KAZN: variants seen among roughly 807,000 people sequenced by gnomAD.
The protein encoded by KAZN is kazrin, periplakin interacting protein.
In KAZN, 40 loss-of-function variants were observed where a neutral mutation model predicts 87.4. That is an observed-to-expected ratio of 0.46 (90% CI 0.36 to 0.60). KAZN has a LOEUF of 0.60. Ranked by LOEUF, KAZN falls within the 20% of genes least tolerant of loss-of-function variation. The pLI is 0.00. For synonymous variants in KAZN, 466 were observed against 458.3 expected, an observed-to-expected ratio of 1.02 and a Z score of -0.22; for missense variants, 898 against 1,073.9, an observed-to-expected ratio of 0.84 and a Z score of 2.29.
At chr1:14,469,549 T>C (rs1441114148) in intron 2 of KAZN, among the ~76,000 whole-genome samples, 9 of 152,206 alleles carry the variant, frequency 5.9e-5, no homozygotes, top group Non-Finnish European at 1.2e-4. Flanking sequence ...TCAGTGAAGA[T>C]GGCAACAGCA....
intron 1 of KAZN, among the ~76,000 whole-genome samples, chr1:14,106,728 G>A (rs1012959811): frequency 3.9e-5 from 6 of 152,222 alleles, no homozygotes; most frequent in South Asian, 2.1e-4. Context: ...TAGCCCAAAC[G>A]CGTCTCTATT....
chr1:14,063,209 G>T (rs1033629577), intron 1 of KAZN, among the ~76,000 whole-genome samples: 4 of 152,144 alleles, frequency 2.6e-5, no homozygotes, highest in African/African-American at 9.7e-5. Context: ...CATTATTGAT[G>T]CCCTATGGAA....
intron 2 of KAZN, among the ~76,000 whole-genome samples, chr1:14,381,528 A>C (rs988210493): frequency 6.6e-6 from 1 of 152,234 alleles, no homozygotes; most frequent in Non-Finnish European, 1.5e-5. Flanking sequence ...CAACACATGC[A>C]AATCAATTAA....
intron 2 of KAZN, among the ~76,000 whole-genome samples, chr1:14,188,511 A>T (rs1646359319): frequency 6.6e-6 from 1 of 152,082 alleles, no homozygotes; most frequent in African/African-American, 2.4e-5. Flanking sequence ...GGACATAGAG[A>T]CACACACAAA....
At chr1:14,388,122 C>T (rs931214803) in intron 2 of KAZN, among the ~76,000 whole-genome samples, 3 of 152,224 alleles carry the variant, frequency 2.0e-5, no homozygotes, top group Non-Finnish European at 4.4e-5. Context: ...AAAGGGAACT[C>T]CCTGATCCCT....
rs7517282 is a variant in KAZN, at chr1:15,067,290, C to T, written c.1222+1537C>T. 0.025 allele frequency: 24,203 copies of T among 985,372 alleles called. 2,900 individuals carry two copies. The African/African-American group carries it at 0.31, about 13-fold the overall frequency. The allele number at this position is 985,372 out of a possible 1,614,324, so 61.0% of individuals were successfully genotyped here. The stretch of plus-strand genomic sequence containing the variant: ...GAATCTCCCAGGATCCCTTGGACTC[C>T]GTCCCCCAACTTGTCACAGCAGCCT... On this transcript the variant is annotated intron_variant, in intron 8 of 14. Transcript: ENST00000376030.
chr1:14,358,089 A>G (rs1284153460), intron 2 of KAZN, among the ~76,000 whole-genome samples: 1 of 151,978 alleles, frequency 6.6e-6, no homozygotes, highest in Non-Finnish European at 1.5e-5. Context: ...TACTGCCTCA[A>G]TTTCAGTGCT....
At chr1:13,979,930 CAAAAAAAA>C (rs142839854) in intron 1 of KAZN, among the ~76,000 whole-genome samples, 58 of 100,500 alleles carry the variant, frequency 5.8e-4, no homozygotes, top group African/African-American at 1.3e-3. Context: ...GACTCCGTCT[CAAAAAAAA>C]AAAAAAAAAA....
Position 15,096,856 on chromosome 1 carries a change from G to A in KAZN, c.1547+1923G>A, listed in dbSNP as rs975439990. 3.3e-5 allele frequency among the ~76,000 whole-genome samples: 5 copies of A among 152,110 alleles called. No individual in the cohort carries two copies. The highest frequency in any genetic ancestry group is 3.9e-4 in the East Asian group (2 of 5,184). The stretch of plus-strand genomic sequence containing the variant: ...CCCCAGCCACAAATACCATCACATC[G>A]AAGGTTAGGATTTCAGCATGTGAAT... On this transcript the variant is annotated intron_variant, in intron 10 of 14. Transcript: ENST00000376030. The surrounding 1 kb of genome is among the most constrained non-coding windows in gnomAD (Gnocchi z 4.5).
At chr1:14,788,879 C>T (rs1029717805) in intron 1 of KAZN, among the ~76,000 whole-genome samples, 1 of 152,168 alleles carries the variant, frequency 6.6e-6, no homozygotes, top group Non-Finnish European at 1.5e-5. Flanking sequence ...ATGTCTGGGA[C>T]ACCCTGAGAC....
At chr1:14,794,194 A>G (rs1162330732) in intron 1 of KAZN, among the ~76,000 whole-genome samples, 1 of 152,202 alleles carries the variant, frequency 6.6e-6, no homozygotes, top group Non-Finnish European at 1.5e-5. Context: ...AGGGTCAGCA[A>G]GAGGGCACTC....
chr1:14,693,696 G>T (rs1641448028), intron 1 of KAZN, among the ~76,000 whole-genome samples: 1 of 152,178 alleles, frequency 6.6e-6, no homozygotes, highest in Non-Finnish European at 1.5e-5. Context: ...ATTCAACAGG[G>T]TCTGTAACTG....
chr1:14,897,610 G>C (rs561576839), intron 1 of KAZN, among the ~76,000 whole-genome samples: 1 of 120,272 alleles, frequency 8.3e-6, no homozygotes, highest in East Asian at 2.3e-4. Context: ...GAATAATAAT[G>C]ATACTTTCCA....
chr1:14,416,946 G>A (rs1309111956), intron 2 of KAZN, among the ~76,000 whole-genome samples: 2 of 150,494 alleles, frequency 1.3e-5, no homozygotes, highest in African/African-American at 4.9e-5. Flanking sequence ...GTGTGAGCGT[G>A]TATATGTGTA....
At chr1:14,632,837 C>G (rs533772495) in intron 1 of KAZN, among the ~76,000 whole-genome samples, 82 of 152,210 alleles carry the variant, frequency 5.4e-4, no homozygotes, top group South Asian at 3.3e-3. Context: ...GTGGCGTGAC[C>G]TGAATACATT....
intron 2 of KAZN, among the ~76,000 whole-genome samples, chr1:15,000,465 C>T (rs900798649): frequency 5.3e-5 from 8 of 151,836 alleles, no homozygotes; most frequent in Admixed American, 6.5e-5. Flanking sequence ...GAGCCCCCGT[C>T]CCTCCTTGGA....
At chr1:14,983,028 C>A (rs1666418589) in intron 2 of KAZN, among the ~76,000 whole-genome samples, 1 of 152,218 alleles carries the variant, frequency 6.6e-6, no homozygotes, top group African/African-American at 2.4e-5. Context: ...GCAGCTTGTC[C>A]TTGATCATGA....
At chr1:14,142,111 T>TC (rs1464322278) in intron 1 of KAZN, among the ~76,000 whole-genome samples, 1 of 150,136 alleles carries the variant, frequency 6.7e-6, no homozygotes, top group Non-Finnish European at 1.5e-5. Flanking sequence ...TCCTTCCCTT[T>TC]TTTTTTTTTT....
At chr1:14,925,074 T>A (rs1659028395) in intron 1 of KAZN, among the ~76,000 whole-genome samples, 1 of 152,234 alleles carries the variant, frequency 6.6e-6, no homozygotes, top group East Asian at 1.9e-4. Context: ...GAACTCCGAG[T>A]AATGCAGAAA....
Sources: allele counts gnomAD v4.1 joint callset (sites outside exome capture counted in the v4.1 genomes callset), GRCh38; gene constraint gnomAD v4.1.1; non-coding constraint Gnocchi (gnomAD v3.1); transcripts MANE v1.5; gene names NCBI Gene and HGNC (gene_info 2026-07-23, HGNC 2026-07-21).